Variants in PTK7 observed in about 807,000 individuals in gnomAD.
PTK7 encodes protein tyrosine kinase 7 (inactive).
A neutral mutation model predicts 116.6 loss-of-function variants in PTK7; 39 were observed. That is an observed-to-expected ratio of 0.33 (90% CI 0.26 to 0.44). PTK7 has a LOEUF of 0.44. Ranked by LOEUF, PTK7 falls within the 20% of genes least tolerant of loss-of-function variation. PTK7 has a pLI of 1.00. For missense variants in PTK7, 1,169 were observed against 1,425.6 expected, an observed-to-expected ratio of 0.82 and a Z score of 2.90; for synonymous variants, 546 against 563.6, an observed-to-expected ratio of 0.97 and a Z score of 0.44.
rs1770422572 is a variant in PTK7 at position 43,141,779 on chromosome 6, A to G, written c.1730A>G (p.Gln577Arg). 2 of 1,613,944 alleles carry G rather than the reference A, an allele frequency of 1.2e-6. No homozygotes were observed. Among genetic ancestry groups the G allele is most frequent in the Admixed American group, 1.7e-5 (1 of 59,990 alleles). ...NYTCIASNGP[Q>R]GQIRAHVQLT... The stretch of plus-strand genomic sequence containing the variant: ...ACTTGCATTGCCTCCAACGGGCCGC[A>G]GGGCCAGATTCGTGCCCATGTCCAG... Residue 577 changes from glutamine (Q) to arginine (R), a missense_variant, in exon 11 of 20, where the codon CAG becomes CGG. Physicochemically the swap from Gln to Arg is conservative, Grantham distance 43. Transcript: ENST00000230419. The surrounding 1 kb of genome is among the most constrained non-coding windows in gnomAD (Gnocchi z 4.9).
At chr6:43,084,465 C>G (rs1766546209) in intron 1 of PTK7, among the ~76,000 whole-genome samples, 1 of 152,186 alleles carries the variant, frequency 6.6e-6, no homozygotes, top group Non-Finnish European at 1.5e-5. Context: ...TTATAAAGAG[C>G]TTCCTGGAGA....
In PTK7 at chr6:43,076,654, GC is replaced by G; in HGVS notation, c.79+88del. Reference sequence around the variant, plus strand: ...GCTGCGCCCGGGGCGGTGGGTTTGGGCGGCTGGAACGGCCCTGGAGTAGTGG... The same window carrying G: ...GCTGCGCCCGGGGCGGTGGGTTTGGGGGCTGGAACGGCCCTGGAGTAGTGG... On this transcript the variant is annotated intron_variant, in intron 1 of 19. Transcript: ENST00000230419. This position sits in a 1 kb window ranked among gnomAD's most constrained non-coding sequence, Gnocchi z 5.7. 1 of 1,466,136 alleles carries G rather than the reference GC, an allele frequency of 6.8e-7. No individual in the cohort carries two copies. The highest frequency in any genetic ancestry group is 9.1e-7 in the Non-Finnish European group (1 of 1,099,492). The allele number at this position is 1,466,136 out of a possible 1,614,324, so 90.8% of individuals were successfully genotyped here.
intron 17 of PTK7, among the ~76,000 whole-genome samples, chr6:43,149,129 C>T (rs575323204): frequency 2.1e-5 from 3 of 145,748 alleles, no homozygotes; most frequent in South Asian, 2.2e-4. Flanking sequence ...CCCAGCACTT[C>T]GGGAGGCTGA....
At chr6:43,121,038 G>A (rs1213326009) in intron 1 of PTK7, among the ~76,000 whole-genome samples, 4 of 150,008 alleles carry the variant, frequency 2.7e-5, no homozygotes, top group Non-Finnish European at 5.9e-5. Context: ...AGCACCTTAC[G>A]TCATGTGCCA....
chr6:43,151,867 G>A (rs180814092), intron 17 of PTK7, among the ~76,000 whole-genome samples: 1,333 of 82,494 alleles, frequency 0.016, 35 homozygotes, highest in African/African-American at 0.058. Context: ...TTTTATTTGA[G>A]GCAGTCTCGC....
At chr6:43,082,660 G>T (rs1041623950) in intron 1 of PTK7, among the ~76,000 whole-genome samples, 1 of 152,190 alleles carries the variant, frequency 6.6e-6, no homozygotes, top group African/African-American at 2.4e-5. Flanking sequence ...CACTTTATGC[G>T]AACACTCCTT....
At chr6:43,148,709 T>TA (rs1770868129) in intron 17 of PTK7, among the ~76,000 whole-genome samples, 1 of 151,946 alleles carries the variant, frequency 6.6e-6, no homozygotes, top group Admixed American at 6.6e-5. Context: ...GGAACTTTAA[T>TA]AAGTTGGGTT....
chr6:43,157,780 G>T (rs1771601395), intron 17 of PTK7, among the ~76,000 whole-genome samples: 1 of 151,838 alleles, frequency 6.6e-6, no homozygotes, highest in Non-Finnish European at 1.5e-5. Context: ...AGGCTGGAGT[G>T]CAATGGCGCA....
At chr6:43,137,901 G>C (rs1434288052) in intron 7 of PTK7, among the ~76,000 whole-genome samples, 1 of 152,134 alleles carries the variant, frequency 6.6e-6, no homozygotes, top group Non-Finnish European at 1.5e-5. Flanking sequence ...CCACCTCCCA[G>C]GTTCAAGCGA....
At position 43,130,221 on chromosome 6, in the gene PTK7, G is replaced by T; in HGVS notation, c.471-9G>T. On this transcript the variant is annotated splice_polypyrimidine_tract_variant and intron_variant, in intron 3 of 19. Transcript: ENST00000230419. ...CTCCCCACCACTGCTGACTGTGTCTGCCCTGCAGGCCCACCTACCAATGGT... is the reference window on the plus strand; with the variant it reads ...CTCCCCACCACTGCTGACTGTGTCTTCCCTGCAGGCCCACCTACCAATGGT... 2 of 1,562,126 alleles carry T rather than the reference G, an allele frequency of 1.3e-6. No individual in the cohort carries two copies. Among genetic ancestry groups the T allele is most frequent in the Non-Finnish European group, 8.7e-7 (1 of 1,149,664 alleles).
chr6:43,099,493 A>T (rs1767447318), intron 1 of PTK7, among the ~76,000 whole-genome samples: 2 of 151,796 alleles, frequency 1.3e-5, no homozygotes, highest in African/African-American at 4.8e-5. Context: ...AAGTGATGGG[A>T]TTACAGCCAT....
chr6:43,088,461 G>A (rs1215622819), intron 1 of PTK7, among the ~76,000 whole-genome samples: 1 of 152,066 alleles, frequency 6.6e-6, no homozygotes, highest in Non-Finnish European at 1.5e-5. Context: ...TTGGGAGGCC[G>A]AGGCGGGTGG....
At chr6:43,101,428 T>C in intron 1 of PTK7, among the ~76,000 whole-genome samples, 1 of 150,922 alleles carries the variant, frequency 6.6e-6, no homozygotes, top group Admixed American at 6.6e-5. Flanking sequence ...GGTGGGCACC[T>C]GTAGTCCTAG....
chr6:43,151,012 G>A (rs1771043664), intron 17 of PTK7, among the ~76,000 whole-genome samples: 1 of 151,288 alleles, frequency 6.6e-6, no homozygotes, highest in South Asian at 2.1e-4. Context: ...TAGCAGGGAT[G>A]AGGTTTCACC....
chr6:43,125,511 G>A (rs1015666924), intron 1 of PTK7, among the ~76,000 whole-genome samples: 4 of 152,152 alleles, frequency 2.6e-5, no homozygotes, highest in Non-Finnish European at 4.4e-5. Context: ...TGCAAGCTCA[G>A]GGCCCCTTCC....
chr6:43,123,308 G>T (rs1200604081), intron 1 of PTK7, among the ~76,000 whole-genome samples: 1 of 152,174 alleles, frequency 6.6e-6, no homozygotes, highest in Non-Finnish European at 1.5e-5. Flanking sequence ...ATCAAACAGT[G>T]ATGTGTGGCA....
At chr6:43,110,871 C>T (rs980132452) in intron 1 of PTK7, among the ~76,000 whole-genome samples, 1 of 152,214 alleles carries the variant, frequency 6.6e-6, no homozygotes, top group African/African-American at 2.4e-5. Flanking sequence ...CTTTAGATAG[C>T]ATAGACTTTC....
chr6:43,117,534 C>T (rs990130720), intron 1 of PTK7, among the ~76,000 whole-genome samples: 1 of 152,200 alleles, frequency 6.6e-6, no homozygotes, highest in Non-Finnish European at 1.5e-5. Flanking sequence ...GGGGCAGCTC[C>T]TGAGCCTGCC....
chr6:43,110,498 C>T (rs142234589), intron 1 of PTK7, among the ~76,000 whole-genome samples: 97 of 151,840 alleles, frequency 6.4e-4, no homozygotes, highest in African/African-American at 2.2e-3. Context: ...CTGCAACCTC[C>T]GCCTCTGGGT....
Sources: gnomAD v4.1 joint callset for allele counts (sites outside exome capture counted in the v4.1 genomes callset) on GRCh38, gnomAD v4.1.1 for gene constraint, Gnocchi (gnomAD v3.1) non-coding constraint, MANE v1.5 for transcripts, NCBI Gene and HGNC (gene_info 2026-07-23, HGNC 2026-07-21) for gene names.